Variants in RPH3A observed in about 807,000 individuals in gnomAD.
The protein encoded by RPH3A is rabphilin 3A.
Under a neutral mutation model 102.2 loss-of-function variants are expected in RPH3A, and 48 were observed. That is an observed-to-expected ratio of 0.47 (90% CI 0.37 to 0.60). The LOEUF (loss-of-function observed/expected upper bound fraction) is 0.60, where lower values mean the gene tolerates loss of function less well. Ranked by LOEUF, RPH3A falls within the 20% of genes least tolerant of loss-of-function variation. The pLI is 0.00. For synonymous variants in RPH3A, 310 were observed against 324.3 expected (o/e 0.96, Z 0.47); for missense variants, 781 against 910.1 (o/e 0.86, Z 1.83).
At chr12:112,731,118 G>A (rs1027333842) in intron 1 of RPH3A, among the ~76,000 whole-genome samples, 2 of 152,110 alleles carry the variant, frequency 1.3e-5, no homozygotes, top group Non-Finnish European at 2.9e-5. Context: ...ATTGTGGATA[G>A]GAGGAGAATG....
intron 10 of RPH3A, among the ~76,000 whole-genome samples, chr12:112,872,345 T>C (rs2042723410): frequency 6.6e-6 from 1 of 152,226 alleles, no homozygotes; most frequent in South Asian, 2.1e-4. Context: ...ATTTGGATAT[T>C]TTCCCTGGAG....
At chr12:112,848,647 GAGGGGAA>G (rs2042271989) in intron 5 of RPH3A, among the ~76,000 whole-genome samples, 1 of 152,182 alleles carries the variant, frequency 6.6e-6, no homozygotes, top group Non-Finnish European at 1.5e-5. Flanking sequence ...TGGTAGGAAG[GAGGGGAA>G]AGTGGGGCTC....
At chr12:112,753,941 T>C (rs2040803284) in intron 1 of RPH3A, among the ~76,000 whole-genome samples, 1 of 152,134 alleles carries the variant, frequency 6.6e-6, no homozygotes, top group Admixed American at 6.5e-5. Flanking sequence ...TCAGAGTTCA[T>C]AGCAGGAGAA....
In RPH3A at chr12:112,896,817, C is replaced by T; in HGVS notation, c.*37C>T. The T allele has an allele frequency of 6.2e-7, 1 of 1,611,350 alleles. No individual in the cohort carries two copies. The highest frequency in any genetic ancestry group is 8.5e-7 in the Non-Finnish European group (1 of 1,178,740). On this transcript the variant is annotated 3_prime_UTR_variant, in exon 22 of 22. Coordinates refer to ENST00000389385, the MANE Select transcript of RPH3A (RefSeq NM_001143854.2). ...GGTCCCCATCTCCATGTCCCGGGTC[C>T]CCCCCAGCCTGCTCTAGCTGCCCAC...
At chr12:112,677,556 T>C (rs1346497574) in intron 1 of RPH3A, among the ~76,000 whole-genome samples, 1 of 150,056 alleles carries the variant, frequency 6.7e-6, no homozygotes, top group East Asian at 2.0e-4. Context: ...CGCCTCAGCC[T>C]CCTAAAGTGC....
intron 1 of RPH3A, among the ~76,000 whole-genome samples, chr12:112,747,326 G>T (rs897553970): frequency 6.6e-6 from 1 of 152,176 alleles, no homozygotes; most frequent in Non-Finnish European, 1.5e-5. Flanking sequence ...CACCATGTGA[G>T]GACACAGTGA....
At chr12:112,730,507 CTG>C (rs2040624955) in intron 1 of RPH3A, among the ~76,000 whole-genome samples, 1 of 152,364 alleles carries the variant, frequency 6.6e-6, no homozygotes, top group South Asian at 2.1e-4. Context: ...CCTCCAGGGA[CTG>C]TATTTGCTGC....
chr12:112,668,231 G>C lies in RPH3A; in HGVS notation c.-140+92912G>C, dbSNP rs145054005. On this transcript the variant is annotated intron_variant, in intron 1 of 21. Transcript: ENST00000543106. ...CACCCAGCACAATGCCTGTCCTACA[G>C]GTGGCCCCCCAAAATGTTTATGAAA... Among the ~76,000 whole-genome samples, 43 of 152,234 alleles carry C rather than the reference G, an allele frequency of 2.8e-4. No homozygotes were observed. In the East Asian group the frequency reaches 6.6e-3, roughly 23 times the overall value.
At chr12:112,841,192 A>AAAAAAAAAAAAAAAAAAAAAAAC in intron 4 of RPH3A, among the ~76,000 whole-genome samples, 2 of 150,192 alleles carry the variant, frequency 1.3e-5, no homozygotes, top group Non-Finnish European at 3.0e-5. Context: ...AAAAAAAAAA[A>AAAAAAAAAAAAAAAAAAAAAAAC]AAGCCTCGTT....
chr12:112,629,814 C>G (rs982353944), intron 1 of RPH3A, among the ~76,000 whole-genome samples: 4 of 152,092 alleles, frequency 2.6e-5, no homozygotes, highest in Non-Finnish European at 5.9e-5. Context: ...TGCTATTTAT[C>G]AAGCCCTTAT....
intron 1 of RPH3A, among the ~76,000 whole-genome samples, chr12:112,582,930 A>G (rs182408876): frequency 4.6e-5 from 7 of 152,118 alleles, no homozygotes; most frequent in Non-Finnish European, 8.8e-5. Context: ...CCTTGAGTTT[A>G]TGGCTCTTTC....
chr12:112,862,500 C>G (rs1593097304), intron 5 of RPH3A, among the ~76,000 whole-genome samples: 1 of 152,288 alleles, frequency 6.6e-6, no homozygotes, highest in East Asian at 1.9e-4. Flanking sequence ...TAAACACCAG[C>G]TACTATTACA....
At chr12:112,712,904 C>CTCTTTTTCTTCT (rs2040475269) in intron 1 of RPH3A, among the ~76,000 whole-genome samples, 3 of 92,572 alleles carry the variant, frequency 3.2e-5, no homozygotes, top group African/African-American at 1.7e-4. Context: ...CTTCTTCTTC[C>CTCTTTTTCTTCT]TCTTCTTCTT....
chr12:112,875,721 G>A lies in RPH3A; in HGVS notation c.926G>A (p.Arg309His), dbSNP rs139024020. Residue 309 changes from arginine to histidine, a missense_variant, in exon 12 of 22, where the codon CGC (arginine) becomes CAC (histidine). By Grantham distance (29) the Arg-to-His change is conservative (BLOSUM62 0). Transcript: ENST00000389385. ...AGACCGGGTCCTGGGCCAGCAGGAC[G>A]CTTTCCAGATCAGAAGCCAGGCAAG... ...GSRPGPGPAG[R>H]FPDQKPEVAP... The A allele has an allele frequency of 2.7e-5, 44 of 1,613,836 alleles. No homozygotes were observed. The highest frequency in any genetic ancestry group is 2.2e-4 in the South Asian group (20 of 91,060).
chr12:112,706,956 C>G (rs1012696779), intron 1 of RPH3A, among the ~76,000 whole-genome samples: 1 of 152,166 alleles, frequency 6.6e-6, no homozygotes, highest in East Asian at 1.9e-4. Flanking sequence ...CTGGTTTCTC[C>G]GGGGAAGCCA....
intron 19 of RPH3A, among the ~76,000 whole-genome samples, chr12:112,892,482 G>A (rs1374650549): frequency 2.0e-5 from 3 of 152,204 alleles, no homozygotes; most frequent in South Asian, 2.1e-4. Context: ...TTCATCCAAG[G>A]TGATGGAGAA....
chr12:112,701,680 A>G (rs774416471), intron 1 of RPH3A, among the ~76,000 whole-genome samples: 1 of 152,198 alleles, frequency 6.6e-6, no homozygotes, highest in Non-Finnish European at 1.5e-5. Flanking sequence ...ATGAGTTCTA[A>G]TGTCTATTCC....
At chr12:112,874,531 A>G (rs868217167) in intron 10 of RPH3A, among the ~76,000 whole-genome samples, 1 of 152,220 alleles carries the variant, frequency 6.6e-6, no homozygotes, top group Admixed American at 6.5e-5. Flanking sequence ...TGTTGCCTCC[A>G]TGGGGCATCT....
At chr12:112,689,845 A>G (rs2136021359) in intron 1 of RPH3A, among the ~76,000 whole-genome samples, 1 of 152,308 alleles carries the variant, frequency 6.6e-6, no homozygotes, top group East Asian at 1.9e-4. Flanking sequence ...AGATCTGTAA[A>G]AGCAAATAAG....
Sources: allele counts gnomAD v4.1 joint callset (sites outside exome capture counted in the v4.1 genomes callset), GRCh38; gene constraint gnomAD v4.1.1; transcripts MANE v1.5; gene names NCBI Gene and HGNC (gene_info 2026-07-23, HGNC 2026-07-21).